MED13L: variants seen among roughly 807,000 people sequenced by gnomAD.
MED13L encodes the protein mediator complex subunit 13L.
MED13L carries 7 observed loss-of-function variants against 220.9 expected under a neutral mutation model. That is an observed-to-expected ratio of 0.03 (90% CI 0.02 to 0.06). The LOEUF is 0.06. Among genes scored for constraint, MED13L ranks in the 10% least tolerant of loss-of-function variants. The probability of loss-of-function intolerance (pLI) is 1.00; values close to 1 mark genes in which losing one functional copy is unlikely to be tolerated. For missense variants in MED13L, 1,965 were observed against 2,760.5 expected (o/e 0.71, Z 6.46); for synonymous variants, 1,011 against 1,015.2 (o/e 1.00, Z 0.08).
intron 29 of MED13L, among the ~76,000 whole-genome samples, chr12:115,964,261 T>C (rs1254493914): frequency 6.6e-6 from 1 of 152,220 alleles, no homozygotes; most frequent in East Asian, 1.9e-4. Context: ...ACCCCATCTG[T>C]AGGATAATGA....
At chr12:116,077,970 T>C (rs907405113) in intron 4 of MED13L, among the ~76,000 whole-genome samples, 3 of 151,780 alleles carry the variant, frequency 2.0e-5, no homozygotes, top group Admixed American at 2.0e-4. Flanking sequence ...CTGGCCAAGA[T>C]GGTCTCTACT....
chr12:116,102,739 T>TTTTG (rs1252419011), intron 3 of MED13L, among the ~76,000 whole-genome samples: 1 of 126,482 alleles, frequency 7.9e-6, no homozygotes, highest in Admixed American at 8.1e-5. Flanking sequence ...TTTTTTTTTT[T>TTTTG]GATACGGAGT....
intron 2 of MED13L, among the ~76,000 whole-genome samples, chr12:116,205,122 A>C (rs1431217930): frequency 6.6e-6 from 1 of 152,172 alleles, no homozygotes; most frequent in East Asian, 1.9e-4. Context: ...AATCCTAACC[A>C]GAACTCAGAA....
chr12:116,192,092 TA>T (rs1200830444), intron 2 of MED13L, among the ~76,000 whole-genome samples: 1 of 152,170 alleles, frequency 6.6e-6, no homozygotes, highest in Non-Finnish European at 1.5e-5. Context: ...TAATGCCCAC[TA>T]AAACAATTAA....
intron 2 of MED13L, among the ~76,000 whole-genome samples, chr12:116,169,721 C>G (rs1480987903): frequency 6.6e-6 from 1 of 152,166 alleles, no homozygotes; most frequent in Non-Finnish European, 1.5e-5. Context: ...GAACCTAAAA[C>G]TATCAAGCCA....
chr12:115,997,404 TTA>T (rs1878472644), intron 14 of MED13L, among the ~76,000 whole-genome samples, 174 bp from the exon 15 acceptor site: 1 of 152,112 alleles, frequency 6.6e-6, no homozygotes, highest in African/African-American at 2.4e-5. Flanking sequence ...CAGCAGAGAA[TTA>T]TCTTTTTCTG....
At chr12:116,174,139 TC>T (rs968813888) in intron 2 of MED13L, among the ~76,000 whole-genome samples, 31 of 152,160 alleles carry the variant, frequency 2.0e-4, no homozygotes, top group African/African-American at 6.5e-4. Context: ...CCCCAAATTT[TC>T]AGGCAAAAGT....
intron 2 of MED13L, among the ~76,000 whole-genome samples, chr12:116,185,221 A>G (rs1397955677): frequency 6.6e-6 from 1 of 152,212 alleles, no homozygotes; most frequent in African/African-American, 2.4e-5. Flanking sequence ...CAAAGTGGTC[A>G]GTAGAAAGCA....
rs1407028739 is a variant in MED13L at position 115,982,380 on chromosome 12, T to A, written c.5175+4A>T. 3 of 1,603,676 alleles carry A rather than the reference T, an allele frequency of 1.9e-6. No individual in the cohort carries two copies. The highest frequency in any genetic ancestry group is 1.3e-5 in the African/African-American group (1 of 74,670). On this transcript the variant is annotated splice_donor_region_variant and intron_variant, in intron 22 of 30. Transcript: ENST00000281928. ...AAGTAAATAATAAACTTGCAAACAGTAACCTGGAGAATGAAAGAATTTCTC... is the reference window on the plus strand; with the variant it reads ...AAGTAAATAATAAACTTGCAAACAGAAACCTGGAGAATGAAAGAATTTCTC...
chr12:116,013,930 T>TA (rs1879572915), intron 8 of MED13L, among the ~76,000 whole-genome samples: 1 of 152,154 alleles, frequency 6.6e-6, no homozygotes, highest in Admixed American at 6.5e-5. Flanking sequence ...TGATGGTGAT[T>TA]AAAAATCAAA....
chr12:116,228,335 G>C (rs1869210449), intron 2 of MED13L, among the ~76,000 whole-genome samples: 1 of 152,114 alleles, frequency 6.6e-6, no homozygotes, highest in African/African-American at 2.4e-5. Flanking sequence ...TTCTTTTCTA[G>C]AGATAGGGTC....
intron 1 of MED13L, chr12:116,276,588 T>C (rs1233447749): frequency 8.2e-7 from 1 of 1,218,940 alleles, no homozygotes; most frequent in African/African-American, 1.6e-5. Flanking sequence ...AAATTGCAGG[T>C]GTCATTATGG....
intron 2 of MED13L, among the ~76,000 whole-genome samples, chr12:116,133,157 G>A (rs1417604974): frequency 6.6e-6 from 1 of 152,196 alleles, no homozygotes; most frequent in Non-Finnish European, 1.5e-5. Context: ...TCTCCAACTA[G>A]TAAAAGCCAA....
At chr12:116,073,991 CAT>C in intron 4 of MED13L, among the ~76,000 whole-genome samples, 1 of 152,304 alleles carries the variant, frequency 6.6e-6, no homozygotes, top group East Asian at 1.9e-4. Flanking sequence ...CTAACAGGGT[CAT>C]GTGGTTATCA....
intron 4 of MED13L, among the ~76,000 whole-genome samples, chr12:116,075,578 C>T (rs921322549): frequency 1.6e-4 from 24 of 152,212 alleles, no homozygotes; most frequent in African/African-American, 5.5e-4. Context: ...AAATGCTAGT[C>T]CTGACTTACA....
chr12:116,193,135 A>C (rs1008443772), intron 2 of MED13L, among the ~76,000 whole-genome samples: 5 of 152,008 alleles, frequency 3.3e-5, no homozygotes, highest in African/African-American at 1.2e-4. Context: ...TCTCAAAAAG[A>C]AACAACAACA....
intron 4 of MED13L, among the ~76,000 whole-genome samples, chr12:116,090,401 A>C (rs984641910): frequency 2.0e-5 from 3 of 152,034 alleles, no homozygotes; most frequent in African/African-American, 7.3e-5. Flanking sequence ...AAATTTTCCA[A>C]CTCTTGGGAA....
At chr12:116,274,600 T>A (rs182939654) in intron 1 of MED13L, among the ~76,000 whole-genome samples, 1 of 148,358 alleles carries the variant, frequency 6.7e-6, no homozygotes, top group East Asian at 2.0e-4. Flanking sequence ...TTGCTACTGC[T>A]GTATAGCATT....
chr12:116,187,825 T>C (rs1255118974), intron 2 of MED13L, among the ~76,000 whole-genome samples: 1 of 151,474 alleles, frequency 6.6e-6, no homozygotes, highest in African/African-American at 2.4e-5. Flanking sequence ...TACTAAAAGA[T>C]CTTAATAATA....
Sources: allele counts gnomAD v4.1 joint callset (sites outside exome capture counted in the v4.1 genomes callset), GRCh38; gene constraint gnomAD v4.1.1; transcripts MANE v1.5; gene names NCBI Gene and HGNC (gene_info 2026-07-23, HGNC 2026-07-21).